ADGRL2: variants seen among roughly 807,000 people sequenced by gnomAD.
ADGRL2 encodes adhesion G protein-coupled receptor L2.
Under a neutral mutation model 157.4 loss-of-function variants are expected in ADGRL2, and 44 were observed. The observed-to-expected ratio is 0.28, with a 90% confidence interval of 0.22 to 0.36. The LOEUF is 0.36. Ranked by LOEUF, ADGRL2 falls within the 10% of genes least tolerant of loss-of-function variation. ADGRL2 has a pLI of 1.00. For synonymous variants in ADGRL2, 585 were observed against 624.7 expected (o/e 0.94, Z 0.95); for missense variants, 1,510 against 1,768.9 (o/e 0.85, Z 2.63).
At chr1:81,336,131 C>T (rs913363064) in intron 1 of ADGRL2, among the ~76,000 whole-genome samples, 1 of 152,186 alleles carries the variant, frequency 6.6e-6, no homozygotes, top group Non-Finnish European at 1.5e-5. Context: ...GTTCAGTGGC[C>T]TTGTCGGAGA....
At chr1:81,639,420 T>C (rs949601978) in intron 3 of ADGRL2, among the ~76,000 whole-genome samples, 1 of 151,542 alleles carries the variant, frequency 6.6e-6, no homozygotes, top group South Asian at 2.1e-4. Flanking sequence ...TAAATGGATG[T>C]AGGCTGGACA....
At chr1:81,625,219 A>G (rs2081885850) in intron 3 of ADGRL2, among the ~76,000 whole-genome samples, 1 of 152,104 alleles carries the variant, frequency 6.6e-6, no homozygotes, top group East Asian at 1.9e-4. Flanking sequence ...TGAAAATACT[A>G]AGAACATAGA....
chr1:81,965,832 G>T (rs2149272675), intron 11 of ADGRL2, among the ~76,000 whole-genome samples: 1 of 152,286 alleles, frequency 6.6e-6, no homozygotes, highest in South Asian at 2.1e-4. Flanking sequence ...TATGAAGAAG[G>T]TGTTAGAATG....
At chr1:81,374,153 G>A (rs1438501552) in intron 1 of ADGRL2, among the ~76,000 whole-genome samples, 5 of 152,090 alleles carry the variant, frequency 3.3e-5, no homozygotes, top group Admixed American at 2.0e-4. Flanking sequence ...ATACATATAC[G>A]TGGAGACATG....
At chr1:81,453,915 A>G (rs2077749858) in intron 2 of ADGRL2, among the ~76,000 whole-genome samples, 1 of 152,092 alleles carries the variant, frequency 6.6e-6, no homozygotes, top group Non-Finnish European at 1.5e-5. Context: ...TTTTGGAAGG[A>G]AAAAAAATCT....
At chr1:81,421,431 C>T (rs551701148) in intron 1 of ADGRL2, among the ~76,000 whole-genome samples, 2 of 152,306 alleles carry the variant, frequency 1.3e-5, no homozygotes, top group South Asian at 4.1e-4. Flanking sequence ...CATTAGGCAG[C>T]AGAATAATCT....
intron 1 of ADGRL2, among the ~76,000 whole-genome samples, chr1:81,709,743 TGG>T (rs1462650573): frequency 6.6e-6 from 1 of 152,108 alleles, no homozygotes; most frequent in Admixed American, 6.5e-5. Flanking sequence ...AATTTTGAGG[TGG>T]GTACTAAGTA....
rs186334991 is a variant in ADGRL2 at position 81,524,782 on chromosome 1, G to A, written c.-247-56094G>A. On this transcript the variant is annotated intron_variant, in intron 2 of 24. Coordinates refer to the ADGRL2 transcript ENST00000370721. ...ATCTTGACTCAGGCCTGTAATCCTA[G>A]CTACTGGAGAGGGTCAGGGGGCTGA... 8.6e-4 allele frequency among the ~76,000 whole-genome samples: 131 copies of A among 152,244 alleles called. No homozygotes were observed. In the Middle Eastern group the frequency reaches 0.014, roughly 16 times the overall value.
chr1:81,557,564 ATTCTGTCT>A (rs1205787881), intron 2 of ADGRL2: 3 of 152,372 alleles, frequency 2.0e-5, no homozygotes, highest in African/African-American at 7.2e-5. Flanking sequence ...AAGAAAGAGC[ATTCTGTCT>A]TTCTTTCAAT....
chr1:81,976,912 TTTATC>T (rs1572474406), intron 17 of ADGRL2, among the ~76,000 whole-genome samples: 1 of 152,092 alleles, frequency 6.6e-6, no homozygotes, highest in East Asian at 1.9e-4. Flanking sequence ...TGTTAATTTA[TTTATC>T]TTCAATTCAT....
At chr1:81,963,076 T>C (rs2149244360) in intron 11 of ADGRL2, among the ~76,000 whole-genome samples, 1 of 152,218 alleles carries the variant, frequency 6.6e-6, no homozygotes, top group East Asian at 1.9e-4. Flanking sequence ...CTTCATTTTT[T>C]TCTTAGGTCT....
At chr1:81,904,504 C>T (rs1311374425) in intron 2 of ADGRL2, among the ~76,000 whole-genome samples, 1 of 152,096 alleles carries the variant, frequency 6.6e-6, no homozygotes, top group East Asian at 1.9e-4. Context: ...CGAAGGTGGG[C>T]AGCCACATCT....
intron 11 of ADGRL2, among the ~76,000 whole-genome samples, chr1:81,959,048 T>C (rs531941885): frequency 6.6e-6 from 1 of 152,338 alleles, no homozygotes; most frequent in South Asian, 2.1e-4. Flanking sequence ...CTTAGACATA[T>C]TGAATTTTTT....
At position 81,936,439 on chromosome 1, in the gene ADGRL2, G is replaced by A. The variant is rs2095311840; in HGVS notation, c.288-289G>A. On this transcript the variant is annotated intron_variant, in intron 3 of 23. Transcript: ENST00000686636. ...TTGATCTTGTTGTCGTTCAGTTCAT[G>A]TTGAATATATCAAAAATTAAAATGT... Among the ~76,000 whole-genome samples the A allele has an allele frequency of 2.0e-5, 3 of 151,760 alleles. No individual in the cohort carries two copies. In the South Asian group the frequency reaches 6.2e-4, roughly 31 times the overall value.
At chr1:81,622,060 G>C (rs1191420270) in intron 3 of ADGRL2, among the ~76,000 whole-genome samples, 3 of 152,148 alleles carry the variant, frequency 2.0e-5, no homozygotes, top group Admixed American at 6.5e-5. Context: ...TTAAAAAGTA[G>C]AGGAATAAAA....
At chr1:81,747,625 T>TTATTTGAAATA (rs1291880160) in intron 1 of ADGRL2, among the ~76,000 whole-genome samples, 1 of 152,028 alleles carries the variant, frequency 6.6e-6, no homozygotes, top group African/African-American at 2.4e-5. Flanking sequence ...TAAACATTAT[T>TTATTTGAAATA]TATTTGAAAA....
At position 81,992,248 on chromosome 1, in the gene ADGRL2, T is replaced by C. The variant is rs746671814; in HGVS notation, c.*1103T>C. 9.2e-5 allele frequency: 14 copies of C among 152,594 alleles called. No individual in the cohort carries two copies. The highest frequency in any genetic ancestry group is 1.8e-4 in the Non-Finnish European group (12 of 68,040). The allele number at this position is 152,594 out of a possible 1,614,324, so 9.5% of individuals were successfully genotyped here. ...TACTCTTCCATATTCCTTCTGCCTA[T>C]ATTTAGTAATTAATTTATTTTATGA... On this transcript the variant is annotated 3_prime_UTR_variant, in exon 24 of 24. Transcript: ENST00000686636.
intron 2 of ADGRL2, among the ~76,000 whole-genome samples, chr1:81,467,021 T>TC (rs2078070319): frequency 1.4e-5 from 2 of 144,878 alleles, no homozygotes; most frequent in Middle Eastern, 7.0e-3. Context: ...AGCTGCCACC[T>TC]CTAAGAAAGC....
At chr1:81,405,406 GC>G (rs1474995184) in intron 1 of ADGRL2, among the ~76,000 whole-genome samples, 1 of 152,102 alleles carries the variant, frequency 6.6e-6, no homozygotes, top group Non-Finnish European at 1.5e-5. Context: ...GGTGGCTCGT[GC>G]CTGTAATCCC....
Sources: allele counts gnomAD v4.1 joint callset (sites outside exome capture counted in the v4.1 genomes callset), GRCh38; gene constraint gnomAD v4.1.1; transcripts MANE v1.5; gene names NCBI Gene and HGNC (gene_info 2026-07-23, HGNC 2026-07-21).